The following NSMCE4A variants were observed in gnomAD, a reference collection of about 807,000 sequenced individuals.
NSMCE4A encodes the protein NSE4A component of SMC5/6 complex, also known as non-structural maintenance of chromosomes element 4 homolog A.
NSMCE4A carries 40 observed loss-of-function variants against 47.9 expected under a neutral mutation model. The ratio of observed to expected loss-of-function variants is 0.83; its 90% CI spans 0.65 to 1.09. The LOEUF (loss-of-function observed/expected upper bound fraction) is 1.09, where lower values mean the gene tolerates loss of function less well. Among genes scored for constraint, NSMCE4A ranks in the 50% least tolerant of loss-of-function variants. The pLI is 0.00. For synonymous variants in NSMCE4A, 166 were observed against 178.5 expected (o/e 0.93, Z 0.56); for missense variants, 500 against 507.0 (o/e 0.99, Z 0.13).
rs1470422068 is a variant in NSMCE4A at position 121,974,002 on chromosome 10, A to G, written c.370+2T>C. 6.3e-7 allele frequency: 1 copy of G among 1,577,388 alleles called. No individual in the cohort carries two copies. Among genetic ancestry groups the G allele is most frequent in the African/African-American group, 1.3e-5 (1 of 74,166 alleles). ...GAAATAACATATAAAATAACAAATT[A>G]CCTTCATTAAACAGAGTGTTAGCCT... On this transcript the variant is annotated splice_donor_variant, in intron 2 of 10. Transcript: ENST00000369023. LOFTEE classifies it high-confidence loss of function.
chr10:121,963,529 C>T (rs1286196786), intron 5 of NSMCE4A, among the ~76,000 whole-genome samples: 1 of 151,706 alleles, frequency 6.6e-6, no homozygotes, highest in Admixed American at 6.6e-5. Context: ...CTCCTGTGCT[C>T]AAGGGATCCT....
chr10:121,971,064 G>A lies in NSMCE4A; in HGVS notation c.376C>T (p.Arg126Ter), dbSNP rs903676710. The change falls in exon 3 of 11, where the codon CGA (arginine) becomes TGA (stop). Residue 126 changes from arginine (R) to a stop codon, truncating the protein, a stop_gained. Transcript: ENST00000369023. LOFTEE classifies it high-confidence loss of function. ...EANTLFNEVS[R>*]AREAVLDAHF... ...GCATCCAGGACTGCTTCTCTTGCTCGGGACACTATTCAAAAAAGAAAGAAA... is the reference window on the plus strand; with the variant it reads ...GCATCCAGGACTGCTTCTCTTGCTCAGGACACTATTCAAAAAAGAAAGAAA... 21 of 1,607,084 alleles carry A rather than the reference G, an allele frequency of 1.3e-5. No homozygotes were observed. The highest frequency in any genetic ancestry group is 1.7e-4 in the Middle Eastern group (1 of 6,036).
At position 121,960,371 on chromosome 10, in the gene NSMCE4A, T is replaced by C; in HGVS notation, c.975A>G (p.Arg325=). The C allele has an allele frequency of 6.7e-7, 1 of 1,495,798 alleles. No homozygotes were observed. Among genetic ancestry groups the C allele is most frequent in the South Asian group, 1.4e-5 (1 of 69,502 alleles). The allele number at this position is 1,495,798 out of a possible 1,614,324, so 92.7% of individuals were successfully genotyped here. The change falls in exon 8 of 11, where the codon CGA becomes CGG. Residue 325 remains arginine, a synonymous_variant. Coordinates refer to ENST00000369023, the MANE Select transcript of NSMCE4A (RefSeq NM_017615.3). This position sits in a 1 kb window ranked among gnomAD's most constrained non-coding sequence, Gnocchi z 4.2. The part of the protein sequence containing the change: ...GFARIRLDQD[R]LPVIEPVSIN... Reference sequence around the variant, plus strand: ...AGTATCATTTACCTATTACTGGCAGTCGGTCTTGGTCAAGTCTTATTCTTG... The same window carrying C: ...AGTATCATTTACCTATTACTGGCAGCCGGTCTTGGTCAAGTCTTATTCTTG...
In NSMCE4A at chr10:121,963,343, T is replaced by C. The variant is rs376478721; in HGVS notation, c.754-15A>G. The C allele has an allele frequency of 7.6e-5, 115 of 1,516,046 alleles. No homozygotes were observed. The highest frequency in any genetic ancestry group is 1.0e-4 in the Non-Finnish European group (109 of 1,093,688). The allele number at this position is 1,516,046 out of a possible 1,614,324, so 93.9% of individuals were successfully genotyped here. ...ATTCTTCTTAACTGAAAAAAGTCAT[T>C]ATCAAGCTGACAGACCTACTTACTG... On this transcript the variant is annotated splice_polypyrimidine_tract_variant and intron_variant, in intron 5 of 10. Coordinates refer to ENST00000369023, the MANE Select transcript of NSMCE4A (RefSeq NM_017615.3).
chr10:121,959,476 G>C, intron 9 of NSMCE4A, 25 bp downstream of exon 9: 1 of 1,611,674 alleles, frequency 6.2e-7, no homozygotes, highest in Non-Finnish European at 8.5e-7. Flanking sequence ...TCAGAACTAT[G>C]CAGGGGCAAC....
intron 2 of NSMCE4A, among the ~76,000 whole-genome samples, chr10:121,973,715 G>C (rs1952762150): frequency 6.6e-6 from 1 of 152,160 alleles, no homozygotes; most frequent in Non-Finnish European, 1.5e-5. Context: ...GTAAACACAA[G>C]AAAAAGAAAC....
At chr10:121,964,143 CT>C (rs1244382975) in intron 5 of NSMCE4A, among the ~76,000 whole-genome samples, 165 of 127,452 alleles carry the variant, frequency 1.3e-3, no homozygotes, top group East Asian at 7.7e-3. Context: ...GTTTCAGTAA[CT>C]TTTTTTTTTT....
At position 121,959,486 on chromosome 10, in the gene NSMCE4A, C is replaced by T. The variant is rs780558803; in HGVS notation, c.1083+15G>A. On this transcript the variant is annotated intron_variant, in intron 9 of 10. Coordinates refer to ENST00000369023, the MANE Select transcript of NSMCE4A (RefSeq NM_017615.3). Reference sequence around the variant, plus strand: ...CAGAGTCAGAACTATGCAGGGGCAACAGGCAGAGCTTTACCTCCCAGTCAC... The same window carrying T: ...CAGAGTCAGAACTATGCAGGGGCAATAGGCAGAGCTTTACCTCCCAGTCAC... 3.7e-6 allele frequency: 6 copies of T among 1,612,770 alleles called. No individual in the cohort carries two copies. Among genetic ancestry groups the T allele is most frequent in the Non-Finnish European group, 2.5e-6 (3 of 1,178,904 alleles).
intron 10 of NSMCE4A, 85 bp downstream of exon 10, chr10:121,959,239 T>C: frequency 1.6e-6 from 2 of 1,257,068 alleles, no homozygotes; most frequent in South Asian, 2.4e-5. Context: ...AAAATTCAAA[T>C]TTCACTGGAA....
intron 7 of NSMCE4A, 148 bp downstream of exon 7, chr10:121,961,275 T>C: frequency 4.1e-6 from 2 of 485,150 alleles, no homozygotes; most frequent in South Asian, 8.7e-5. Flanking sequence ...TTCTACCTAA[T>C]ATGCCAATTA....
intron 4 of NSMCE4A, 102 bp from the exon 5 acceptor site, chr10:121,965,487 AC>A: frequency 1.2e-6 from 1 of 802,396 alleles, no homozygotes; most frequent in Non-Finnish European, 2.1e-6. Context: ...TCAAATTCAG[AC>A]CAGACATCAG....
chr10:121,974,797 T>TGCCCTCCCCCCGCGCCCGGC (rs1952786101), intron 1 of NSMCE4A, 77 bp downstream of exon 1: 16 of 1,224,170 alleles, frequency 1.3e-5, no homozygotes, highest in Non-Finnish European at 1.6e-5. Flanking sequence ...CTGCCTCCGG[T>TGCCCTCCCCCCGCGCCCGGC]GCCCTCCCCC....
At chr10:121,967,865 T>C (rs1292910489) in intron 3 of NSMCE4A, 59 bp from the exon 4 acceptor site, 37 of 1,547,336 alleles carry the variant, frequency 2.4e-5, no homozygotes, top group Non-Finnish European at 7.0e-6. Context: ...ATTTTCCACA[T>C]CCAATAATCC....
At chr10:121,973,219 G>A (rs1952749874) in intron 2 of NSMCE4A, among the ~76,000 whole-genome samples, 1 of 144,380 alleles carries the variant, frequency 6.9e-6, no homozygotes, top group Admixed American at 7.0e-5. Context: ...CTGGGCAACA[G>A]AGACTCCATC....
chr10:121,971,808 A>C (rs1257793707), intron 2 of NSMCE4A, among the ~76,000 whole-genome samples: 25 of 152,194 alleles, frequency 1.6e-4, no homozygotes, highest in Non-Finnish European at 7.3e-5. Context: ...GCTGCTAAGC[A>C]ATAGGTAAGT....
intron 10 of NSMCE4A, among the ~76,000 whole-genome samples, chr10:121,958,638 T>A (rs12248806): frequency 5.3e-5 from 8 of 152,198 alleles, no homozygotes; most frequent in African/African-American, 1.4e-4. Flanking sequence ...CAGCTGGGTA[T>A]GGTGACTCAT....
chr10:121,961,463 C>CG lies in NSMCE4A; in HGVS notation c.898dup (p.Arg300ProfsTer23). 2 of 1,577,248 alleles carry CG rather than the reference C, an allele frequency of 1.3e-6. No individual in the cohort carries two copies. The highest frequency in any genetic ancestry group is 4.2e-5 in the Admixed American group (2 of 47,846). Reference sequence around the variant, plus strand: ...AACATGAAAGATGTTTTCCACTGTACGGGGGAAAGAATGAGGATCAACCAC... The same window carrying CG: ...AACATGAAAGATGTTTTCCACTGTACGGGGGGAAAGAATGAGGATCAACCAC... On this transcript the variant is annotated frameshift_variant, in exon 7 of 11. Transcript: ENST00000369023. LOFTEE classifies it high-confidence loss of function.
At chr10:121,966,063 C>G (rs1159961137) in intron 4 of NSMCE4A, 1 of 152,172 alleles carries the variant, frequency 6.6e-6, no homozygotes, top group African/African-American at 2.4e-5. Flanking sequence ...TGGGAACACT[C>G]CTGCTCCACA....
intron 3 of NSMCE4A, among the ~76,000 whole-genome samples, 200 bp downstream of exon 3, chr10:121,970,739 T>C (rs1952692159): frequency 6.6e-6 from 1 of 152,074 alleles, no homozygotes; most frequent in African/African-American, 2.4e-5. Flanking sequence ...TGCTACGAGA[T>C]TTTTACTCCA....
Sources: gnomAD v4.1 joint callset for allele counts (sites outside exome capture counted in the v4.1 genomes callset) on GRCh38, gnomAD v4.1.1 for gene constraint, Gnocchi (gnomAD v3.1) non-coding constraint, MANE v1.5 for transcripts, NCBI Gene and HGNC (gene_info 2026-07-23, HGNC 2026-07-21) for gene names.